The following REDIC1 variants were observed in gnomAD, a reference collection of about 807,000 sequenced individuals.
REDIC1 encodes regulator of DNA class I crossover intermediates 1.
At chr12:39,893,396 T>A in the REDIC1 span, among the ~76,000 whole-genome samples, 1 of 152,244 alleles carries the variant, frequency 6.6e-6, no homozygotes, top group East Asian at 1.9e-4. Context: ...GCCTCCCAGG[T>A]TCAAGCAATT....
chr12:39,762,715 C>G, the REDIC1 span, among the ~76,000 whole-genome samples: 1 of 151,916 alleles, frequency 6.6e-6, no homozygotes, highest in Non-Finnish European at 1.5e-5. Context: ...CTTACATAAA[C>G]CAGTAACATG....
chr12:39,692,568 AGT>A, the REDIC1 span, among the ~76,000 whole-genome samples: 1 of 151,370 alleles, frequency 6.6e-6, no homozygotes, highest in Non-Finnish European at 1.5e-5. Context: ...TATATTTTAC[AGT>A]TCATCTGCTT....
chr12:39,665,579 C>T, the REDIC1 span, among the ~76,000 whole-genome samples: 1 of 149,904 alleles, frequency 6.7e-6, no homozygotes, highest in Non-Finnish European at 1.5e-5. Flanking sequence ...TCCATATGAA[C>T]TTTAAAGTAG....
chr12:39,640,757 T>C, the REDIC1 span, among the ~76,000 whole-genome samples: 1 of 151,884 alleles, frequency 6.6e-6, no homozygotes, highest in African/African-American at 2.4e-5. Flanking sequence ...TTATTAGATA[T>C]TGGATTTCCT....
the REDIC1 span, among the ~76,000 whole-genome samples, chr12:39,785,457 C>T: frequency 1.9e-4 from 29 of 152,196 alleles, no homozygotes; most frequent in African/African-American, 7.0e-4. Context: ...TGCCTGGATG[C>T]CCAGGCAAAA....
the REDIC1 span, chr12:39,759,306 C>T: frequency 1.1e-4 from 16 of 152,036 alleles, no homozygotes; most frequent in South Asian, 2.1e-4. Flanking sequence ...AGCTCATCTG[C>T]GCAAATGTAT....
At chr12:39,626,354 G>T in the REDIC1 span, 1 of 1,614,124 alleles carries the variant, frequency 6.2e-7, no homozygotes, top group South Asian at 1.1e-5. Flanking sequence ...GGGTCGGGGG[G>T]TCCCGGTAAG....
At chr12:39,660,177 C>A in the REDIC1 span, among the ~76,000 whole-genome samples, 1 of 152,122 alleles carries the variant, frequency 6.6e-6, no homozygotes, top group Non-Finnish European at 1.5e-5. Context: ...ATGCATGTGC[C>A]GGTTAGTATT....
the REDIC1 span, among the ~76,000 whole-genome samples, chr12:39,879,830 C>T: frequency 1.3e-5 from 2 of 152,090 alleles, no homozygotes; most frequent in Non-Finnish European, 2.9e-5. Flanking sequence ...GTGAGAAGGA[C>T]ATGAGATTTG....
the REDIC1 span, among the ~76,000 whole-genome samples, chr12:39,886,611 T>C: frequency 6.6e-6 from 1 of 152,114 alleles, no homozygotes; most frequent in Admixed American, 6.6e-5. Flanking sequence ...GTTAAATGTT[T>C]TGGTGTGTTT....
chr12:39,703,028 CAG>C, the REDIC1 span, among the ~76,000 whole-genome samples: 1 of 152,182 alleles, frequency 6.6e-6, no homozygotes, highest in African/African-American at 2.4e-5. Context: ...TGGCACAAGA[CAG>C]GGATGCCCTC....
At chr12:39,887,786 AG>A in the REDIC1 span, among the ~76,000 whole-genome samples, 4 of 152,232 alleles carry the variant, frequency 2.6e-5, no homozygotes, top group African/African-American at 9.6e-5. Flanking sequence ...AAGGAATAGA[AG>A]TGACAGTATC....
the REDIC1 span, among the ~76,000 whole-genome samples, chr12:39,699,902 C>A: frequency 6.6e-6 from 1 of 152,168 alleles, no homozygotes; most frequent in Non-Finnish European, 1.5e-5. Flanking sequence ...AGAAGGAAAA[C>A]TAACAGAAAG....
chr12:39,859,767 C>T, the REDIC1 span, among the ~76,000 whole-genome samples: 2 of 152,074 alleles, frequency 1.3e-5, no homozygotes, highest in Admixed American at 1.3e-4. Flanking sequence ...CCTTGGTGAT[C>T]CGCCTGACTT....
the REDIC1 span, among the ~76,000 whole-genome samples, chr12:39,651,489 C>G: frequency 6.6e-6 from 1 of 152,196 alleles, no homozygotes; most frequent in Non-Finnish European, 1.5e-5. Flanking sequence ...AATGGCACCA[C>G]TATTCACTGA....
At chr12:39,857,083 G>A in the REDIC1 span, among the ~76,000 whole-genome samples, 1 of 152,178 alleles carries the variant, frequency 6.6e-6, no homozygotes, top group Non-Finnish European at 1.5e-5. Context: ...GCAATGAAGA[G>A]TTCTAGAATA....
the REDIC1 span, among the ~76,000 whole-genome samples, chr12:39,767,302 C>CTTT: frequency 4.5e-4 from 66 of 147,398 alleles, no homozygotes; most frequent in South Asian, 2.4e-3. Flanking sequence ...TGAAAGGAAT[C>CTTT]TTTTTTTTCT....
the REDIC1 span, among the ~76,000 whole-genome samples, chr12:39,641,374 C>G: frequency 1.3e-5 from 2 of 151,736 alleles, no homozygotes; most frequent in Non-Finnish European, 2.9e-5. Flanking sequence ...CATAGTAAGG[C>G]TGAGCATGTA....
At chr12:39,882,831 C>T in the REDIC1 span, among the ~76,000 whole-genome samples, 6 of 152,260 alleles carry the variant, frequency 3.9e-5, no homozygotes, top group African/African-American at 1.4e-4. Flanking sequence ...TTTATCTATA[C>T]CTCTTTTAGT....
Sources: allele counts gnomAD v4.1 joint callset (sites outside exome capture counted in the v4.1 genomes callset), GRCh38; gene constraint gnomAD v4.1.1; transcripts MANE v1.5; gene names NCBI Gene and HGNC (gene_info 2026-07-23, HGNC 2026-07-21).